The following ZCCHC2 variants were observed in gnomAD, a reference collection of about 807,000 sequenced individuals.
ZCCHC2 encodes the protein zinc finger CCHC-type containing 2, also known as zinc finger CCHC domain-containing protein 2.
ZCCHC2 carries 39 observed loss-of-function variants against 103.6 expected under a neutral mutation model. That is an observed-to-expected ratio of 0.38 (90% CI 0.29 to 0.49). The LOEUF (loss-of-function observed/expected upper bound fraction) is 0.49, where lower values mean the gene tolerates loss of function less well. Ranked by LOEUF, ZCCHC2 falls within the 20% of genes least tolerant of loss-of-function variation. The pLI is 0.96. For missense variants in ZCCHC2, 1,483 were observed against 1,491.0 expected, an observed-to-expected ratio of 0.99 and a Z score of 0.09; for synonymous variants, 687 against 608.9, an observed-to-expected ratio of 1.13 and a Z score of -1.89.
intron 1 of ZCCHC2, among the ~76,000 whole-genome samples, chr18:62,535,249 A>C (rs960603432): frequency 1.3e-5 from 2 of 152,180 alleles, no homozygotes; most frequent in African/African-American, 2.4e-5. Flanking sequence ...TGGGGACTTA[A>C]AGATGTGGGG....
intron 11 of ZCCHC2, among the ~76,000 whole-genome samples, chr18:62,566,526 C>G (rs1188450367): frequency 6.6e-6 from 1 of 152,198 alleles, no homozygotes; most frequent in African/African-American, 2.4e-5. Flanking sequence ...ATTTTCCATA[C>G]TGCTGCCGTG....
At position 62,574,847 on chromosome 18, in the gene ZCCHC2, C is replaced by A. The variant is rs372653415; in HGVS notation, c.2766C>A (p.Pro922=). 5.6e-6 allele frequency: 9 copies of A among 1,613,942 alleles called. No homozygotes were observed. The East Asian group carries it at 2.0e-4, about 36-fold the overall frequency. The part of the protein sequence containing the change: ...PPASYPLPGS[P]LAAGVLPSQN... ...CTTCCTACCCCTTACCAGGCTCTCC[C>A]CTTGCTGCCGGCGTGTTACCCAGCC... Residue 922 remains proline (P), a synonymous_variant, in exon 13 of 14, where the codon CCC becomes CCA. Transcript: ENST00000269499.
At chr18:62,530,353 G>A (rs543508969) in intron 1 of ZCCHC2, among the ~76,000 whole-genome samples, 184 of 152,226 alleles carry the variant, frequency 1.2e-3, no homozygotes, top group African/African-American at 3.9e-3. Flanking sequence ...ATAATTTACA[G>A]TCTTACCTGT....
chr18:62,528,479 G>A (rs1183160578), intron 1 of ZCCHC2, among the ~76,000 whole-genome samples: 1 of 151,970 alleles, frequency 6.6e-6, no homozygotes, highest in African/African-American at 2.4e-5. Flanking sequence ...CATGCCTGTA[G>A]TCCCAGCTAC....
In ZCCHC2 at chr18:62,524,001, C is replaced by G. The variant is rs778827766; in HGVS notation, c.577C>G (p.Arg193Gly). The change falls in exon 1 of 14, where the codon CGC becomes GGC. Residue 193 changes from arginine (R) to glycine (G), a missense_variant. Physicochemically the swap from Arg to Gly is moderately radical, Grantham distance 125. This residue lies in a region of ZCCHC2 where 568 missense variants were observed against 525.1 expected (regional missense o/e 1.08). Coordinates refer to ENST00000269499, the MANE Select transcript of ZCCHC2 (RefSeq NM_017742.6). ...CCGGGAGGCCGCTGGCCGTCTGCAC[C>G]GCCTGCTACCCCAGGTGGACTCGGT... Reference protein sequence around the residue: ...ENREAAGRLHRLLPQVDSVLK... With the variant: ...ENREAAGRLHGLLPQVDSVLK... 12 of 1,485,416 alleles carry G rather than the reference C, an allele frequency of 8.1e-6. No individual in the cohort carries two copies. The highest frequency in any genetic ancestry group is 1.4e-5 in the African/African-American group (1 of 69,374). The allele number at this position is 1,485,416 out of a possible 1,614,324, so 92.0% of individuals were successfully genotyped here.
At chr18:62,534,954 CTA>C (rs1869757159) in intron 1 of ZCCHC2, among the ~76,000 whole-genome samples, 1 of 152,202 alleles carries the variant, frequency 6.6e-6, no homozygotes, top group African/African-American at 2.4e-5. Flanking sequence ...TTCTTAGGTT[CTA>C]TAAGCTTATG....
chr18:62,569,615 C>G (rs1916511520), intron 11 of ZCCHC2, among the ~76,000 whole-genome samples: 1 of 151,894 alleles, frequency 6.6e-6, no homozygotes, highest in Non-Finnish European at 1.5e-5. Flanking sequence ...CTGTCACCAC[C>G]TCACACTACC....
In ZCCHC2 at chr18:62,577,335, C is replaced by A. The variant is rs182506646; in HGVS notation, c.*756C>A. 1 of 152,374 alleles carries A rather than the reference C, an allele frequency of 6.6e-6. No individual in the cohort carries two copies. Among genetic ancestry groups the A allele is most frequent in the Admixed American group, 6.5e-5 (1 of 15,304 alleles). The allele number at this position is 152,374 out of a possible 1,614,324, so 9.4% of individuals were successfully genotyped here. A position where few individuals can be genotyped will look rare whatever the true frequency, so the allele number is the denominator to read the frequency against. On this transcript the variant is annotated 3_prime_UTR_variant, in exon 14 of 14. Transcript: ENST00000269499. Reference sequence around the variant, plus strand: ...TTTTTCTGAAACCAACTTTTTACTTCCATCATCCTTTTTTAGCCTGTTGCT... The same window carrying A: ...TTTTTCTGAAACCAACTTTTTACTTACATCATCCTTTTTTAGCCTGTTGCT...
At position 62,550,458 on chromosome 18, in the gene ZCCHC2, A is replaced by C; in HGVS notation, c.1311A>C (p.Leu437=). ...GACATCCTGACCTAGAGCCCATCCT[A>C]AGGTAATGATTTACCTGACGCCTAT... ...ERRHPDLEPI[L]RQLFSSSSQA... is the part of the protein sequence containing the mutation. The change falls in exon 5 of 14, where the codon CTA becomes CTC. Residue 437 remains leucine, a splice_region_variant and synonymous_variant. Transcript: ENST00000269499. 1.2e-6 allele frequency: 2 copies of C among 1,611,560 alleles called. No individual in the cohort carries two copies. Among genetic ancestry groups the C allele is most frequent in the Non-Finnish European group, 1.7e-6 (2 of 1,178,454 alleles).
In ZCCHC2 at chr18:62,523,734, C is replaced by G. The variant is rs1353576492; in HGVS notation, c.310C>G (p.Leu104Val). The G allele has an allele frequency of 6.6e-7, 1 of 1,525,392 alleles. No homozygotes were observed. The highest frequency in any genetic ancestry group is 8.7e-7 in the Non-Finnish European group (1 of 1,143,290). The allele number at this position is 1,525,392 out of a possible 1,614,324, so 94.5% of individuals were successfully genotyped here. A position where few individuals can be genotyped will look rare whatever the true frequency, so the allele number is the denominator to read the frequency against. ...EQERVYEWFG[L>V]VLGSAQRLEF... ...GGAGCGGGTATACGAGTGGTTCGGG[C>G]TGGTGCTGGGCTCGGCGCAGCGCCT... Residue 104 changes from leucine (L) to valine (V), a missense_variant, in exon 1 of 14, where the codon CTG (leucine) becomes GTG (valine). Leu to Val is a conservative substitution (Grantham distance 32). Coordinates refer to ENST00000269499, the MANE Select transcript of ZCCHC2 (RefSeq NM_017742.6).
At chr18:62,579,590 T>G (rs1474729994), downstream of ZCCHC2, among the ~76,000 whole-genome samples, 3 of 152,300 alleles carry the variant, frequency 2.0e-5, no homozygotes, top group African/African-American at 7.2e-5. Context: ...AGCCAACAAA[T>G]AATGCACCTA....
intron 6 of ZCCHC2, among the ~76,000 whole-genome samples, chr18:62,557,881 G>T (rs894319054): frequency 6.6e-6 from 1 of 152,158 alleles, no homozygotes; most frequent in Non-Finnish European, 1.5e-5. Flanking sequence ...TTTGTTTTTA[G>T]GTTGTAAAAT....
At position 62,576,517 on chromosome 18, in the gene ZCCHC2, T is replaced by TA; in HGVS notation, c.3476dup (p.Tyr1159Ter). ...TTCTGTCTTTCCCATTTTAGGCACT[T>TA]ACAGACTGAGATACGCACCTCCCCT... is the stretch of plus-strand genomic sequence containing the variant. ...SSMEANQQGT[Y>*]RLRYAPPLPP... The change falls in exon 14 of 14, where the codon TAC becomes TAAC. Residue 1159 changes from tyrosine to a stop codon, truncating the protein, a stop_gained and frameshift_variant. Transcript: ENST00000269499. LOFTEE classifies it high-confidence loss of function. The TA allele has an allele frequency of 6.2e-7, 1 of 1,613,606 alleles. No individual in the cohort carries two copies. The highest frequency in any genetic ancestry group is 8.5e-7 in the Non-Finnish European group (1 of 1,179,654).
chr18:62,564,911 A>G, intron 10 of ZCCHC2, 91 bp from the exon 11 acceptor site: 1 of 928,826 alleles, frequency 1.1e-6, no homozygotes. Context: ...AAAAATTTGA[A>G]GAGTCTTGAA....
Position 62,542,530 on chromosome 18 carries a change from G to A in ZCCHC2, c.1084G>A (p.Val362Ile). ...VHIEKIMLKG[V>I]QRKRADKYWE... is the part of the protein sequence containing the mutation. ...CATTGAGAAGATAATGTTGAAAGGA[G>A]TCCAGAGAAAAAGAGCTGACAAATA... Residue 362 changes from valine to isoleucine, a missense_variant, in exon 3 of 14, where the codon GTC becomes ATC. By Grantham distance (29) the Val-to-Ile change is conservative (BLOSUM62 3). Transcript: ENST00000269499. The A allele has an allele frequency of 5.7e-6, 9 of 1,565,454 alleles. No individual in the cohort carries two copies. Among genetic ancestry groups the A allele is most frequent in the Non-Finnish European group, 7.8e-6 (9 of 1,153,626 alleles).
chr18:62,579,633 C>T (rs1362441495), downstream of ZCCHC2, among the ~76,000 whole-genome samples: 4 of 152,224 alleles, frequency 2.6e-5, no homozygotes, highest in Non-Finnish European at 5.9e-5. Context: ...CCCAGATTCA[C>T]ATTAACTAGC....
In ZCCHC2 at chr18:62,523,374, C is replaced by CGGGGGGGGGG; in HGVS notation, c.-49_-48insGGGGGGGGGG. 2.2e-5 allele frequency: 22 copies of CGGGGGGGGGG among 1,013,852 alleles called. No homozygotes were observed. The highest frequency in any genetic ancestry group is 3.5e-5 in the African/African-American group (2 of 57,020). 62.8% of individuals were successfully genotyped at this position (1,013,852 alleles called of 1,614,324 possible). A position where few individuals can be genotyped will look rare whatever the true frequency, so the allele number is the denominator to read the frequency against. On this transcript the variant is annotated 5_prime_UTR_variant, in exon 1 of 14. Coordinates refer to ENST00000269499, the MANE Select transcript of ZCCHC2 (RefSeq NM_017742.6). The stretch of plus-strand genomic sequence containing the variant: ...CCGCCTCGGCCCGTGCTCCACCTCG[C>CGGGGGGGGGG]GGCCCCTCCCGCCCGCCCCCGCTCG...
At chr18:62,560,532 TG>T in intron 7 of ZCCHC2, 54 bp from the exon 8 acceptor site, 2 of 1,422,760 alleles carry the variant, frequency 1.4e-6, no homozygotes, top group Non-Finnish European at 2.0e-6. Context: ...AGCATCCTAC[TG>T]TTGGTTTTTG....
chr18:62,540,123 C>A (rs1218894025), intron 2 of ZCCHC2, among the ~76,000 whole-genome samples: 1 of 152,102 alleles, frequency 6.6e-6, no homozygotes, highest in Non-Finnish European at 1.5e-5. Context: ...GAATTGAGCT[C>A]AGTGTCTACT....
Sources: gnomAD v4.1 joint callset for allele counts (sites outside exome capture counted in the v4.1 genomes callset) on GRCh38, gnomAD v4.1.1 for gene constraint, gnomAD v4.1.1 regional missense constraint, MANE v1.5 for transcripts, NCBI Gene and HGNC (gene_info 2026-07-23, HGNC 2026-07-21) for gene names.